The following CRACR2A variants were observed in gnomAD, a reference collection of about 807,000 sequenced individuals.
The protein encoded by CRACR2A is EF-hand calcium-binding domain-containing protein 4B.
Under a neutral mutation model 90.5 loss-of-function variants are expected in CRACR2A, and 79 were observed. The observed-to-expected ratio is 0.87, with a 90% confidence interval of 0.73 to 1.05. The LOEUF (loss-of-function observed/expected upper bound fraction) is 1.05. Among genes scored for constraint, CRACR2A ranks in the 50% least tolerant of loss-of-function variants. The pLI is 0.00. For synonymous variants in CRACR2A, 338 were observed against 356.7 expected (o/e 0.95, Z 0.59); for missense variants, 823 against 897.2 (o/e 0.92, Z 1.06).
chr12:3,664,292 T>C (rs1945089007), intron 7 of CRACR2A, among the ~76,000 whole-genome samples: 1 of 152,240 alleles, frequency 6.6e-6, no homozygotes, highest in Non-Finnish European at 1.5e-5. Flanking sequence ...GAGAGGGATA[T>C]ATATTCTATT....
chr12:3,632,722 A>G (rs570513513), intron 15 of CRACR2A, among the ~76,000 whole-genome samples: 2 of 152,240 alleles, frequency 1.3e-5, no homozygotes, highest in African/African-American at 2.4e-5. Flanking sequence ...TGTGCTGAAC[A>G]GTACCTGTCC....
chr12:3,679,236 A>C, intron 5 of CRACR2A, 138 bp from the exon 6 acceptor site: 23 of 829,060 alleles, frequency 2.8e-5, no homozygotes, highest in Non-Finnish European at 3.1e-5. Flanking sequence ...GCAAAGATCC[A>C]TGGACATGGG....
intron 10 of CRACR2A, among the ~76,000 whole-genome samples, chr12:3,651,556 GTTCT>G (rs1026371740): frequency 2.0e-5 from 3 of 152,166 alleles, no homozygotes; most frequent in Admixed American, 6.5e-5. Context: ...CTGCTTGATA[GTTCT>G]TTCTTTATCT....
At position 3,746,327 on chromosome 12, in the gene CRACR2A, G is replaced by A. The variant is rs1402011858; in HGVS notation, c.-387+6688C>T. ...GTGGGGCCCTCATGATGGGATTAGT[G>A]CCCATCATGAAGAGACACCAGAGAG... On this transcript the variant is annotated intron_variant, in intron 1 of 19. Transcript: ENST00000440314. This position sits in a 1 kb window ranked among gnomAD's most constrained non-coding sequence, Gnocchi z 4.4. Among the ~76,000 whole-genome samples the A allele has an allele frequency of 6.6e-6, 1 of 151,510 alleles. No homozygotes were observed.
At chr12:3,649,717 A>G (rs1244790482) in intron 10 of CRACR2A, among the ~76,000 whole-genome samples, 2 of 152,120 alleles carry the variant, frequency 1.3e-5, no homozygotes, top group Non-Finnish European at 2.9e-5. Flanking sequence ...GATACCCTCA[A>G]CACAGTGCCT....
At chr12:3,680,933 A>G (rs895657608) in intron 4 of CRACR2A, among the ~76,000 whole-genome samples, 5 of 138,910 alleles carry the variant, frequency 3.6e-5, no homozygotes, top group Non-Finnish European at 6.0e-5. Context: ...GTAGGGAGGC[A>G]GAGAGAGAGA....
chr12:3,679,344 G>A (rs897622795), intron 5 of CRACR2A, among the ~76,000 whole-genome samples: 2 of 152,148 alleles, frequency 1.3e-5, no homozygotes, highest in Non-Finnish European at 2.9e-5. Context: ...AGACGGATAC[G>A]GTGTCTCCTT....
Position 3,666,371 on chromosome 12 carries a change from G to GCGCGCGCA in CRACR2A, c.672-6725_672-6718dup, listed in dbSNP as rs753691768. 4.3e-3 allele frequency among the ~76,000 whole-genome samples: 658 copies of GCGCGCGCA among 151,932 alleles called. 7 individuals carry two copies. Among genetic ancestry groups the GCGCGCGCA allele is most frequent in the South Asian group, 0.021 (102 of 4,796 alleles). On this transcript the variant is annotated intron_variant, in intron 7 of 19. Transcript: ENST00000440314. Reference sequence around the variant, plus strand: ...TGTGTGTGTGCGTGCGTGTGCGCGTGCGCGCGCACGCGCGCACACGCTCAT... The same window carrying GCGCGCGCA: ...TGTGTGTGTGCGTGCGTGTGCGCGTGCGCGCGCACGCGCGCACGCGCGCACACGCTCAT...
chr12:3,748,402 C>T (rs1327905278), intron 1 of CRACR2A, among the ~76,000 whole-genome samples: 1 of 152,204 alleles, frequency 6.6e-6, no homozygotes, highest in Non-Finnish European at 1.5e-5. Flanking sequence ...CCAGCCCCAT[C>T]CAGGATGTGT....
At chr12:3,744,726 A>G (rs546946002) in intron 1 of CRACR2A, among the ~76,000 whole-genome samples, 1 of 152,162 alleles carries the variant, frequency 6.6e-6, no homozygotes, top group Admixed American at 6.5e-5. Flanking sequence ...GAGAAATGGC[A>G]GCAGAAAGAT....
chr12:3,746,534 T>C lies in CRACR2A; in HGVS notation c.-387+6481A>G, dbSNP rs1565511774. Among the ~76,000 whole-genome samples the C allele has an allele frequency of 1.3e-5, 2 of 152,178 alleles. No homozygotes were observed. The highest frequency in any genetic ancestry group is 2.9e-5 in the Non-Finnish European group (2 of 68,026). On this transcript the variant is annotated intron_variant, in intron 1 of 19. Coordinates refer to ENST00000440314, the MANE Select transcript of CRACR2A (RefSeq NM_001144958.2). The surrounding 1 kb of genome is among the most constrained non-coding windows in gnomAD (Gnocchi z 4.4). ...TTCACCCACCAAACTGGCACCATGA[T>C]GTTAGACTTCCAGCCTCCAGAACTG...
intron 19 of CRACR2A, 103 bp downstream of exon 19, chr12:3,616,851 G>A (rs945289608): frequency 2.3e-6 from 2 of 875,310 alleles, no homozygotes; most frequent in Admixed American, 2.1e-5. Flanking sequence ...GGGAGGAAGG[G>A]GGGTCAGAGG....
In CRACR2A at chr12:3,629,211, G is replaced by A. The variant is rs147449508; in HGVS notation, c.1736-1505C>T. ...AGAGATGAAGCAGGAGTCACGAGCC[G>A]TCGTGCCTTGCCCGAGCTGGTCGGA... On this transcript the variant is annotated intron_variant, in intron 15 of 19. Transcript: ENST00000440314. Among the ~76,000 whole-genome samples the A allele has an allele frequency of 4.9e-3, 746 of 151,954 alleles. 6 individuals are homozygous for A. Among genetic ancestry groups the A allele is most frequent in the African/African-American group, 0.016 (681 of 41,440 alleles).
intron 4 of CRACR2A, among the ~76,000 whole-genome samples, chr12:3,685,523 G>T (rs1309248677): frequency 6.6e-6 from 1 of 152,158 alleles, no homozygotes; most frequent in Non-Finnish European, 1.5e-5. Context: ...ACAAAATGTG[G>T]TATATACATA....
intron 2 of CRACR2A, among the ~76,000 whole-genome samples, chr12:3,716,063 T>C (rs2137788577): frequency 6.6e-6 from 1 of 152,210 alleles, no homozygotes. Flanking sequence ...CCCAGGCTTT[T>C]TTTTTTTTTC....
intron 2 of CRACR2A, chr12:3,731,251 T>C (rs59159383): frequency 0.083 from 12,599 of 152,248 alleles, 633 homozygotes; most frequent in Middle Eastern, 0.17. Flanking sequence ...AAACTCAACT[T>C]CCCGGGAAAC....
chr12:3,663,191 G>A (rs149845542), intron 7 of CRACR2A, among the ~76,000 whole-genome samples: 1 of 152,180 alleles, frequency 6.6e-6, no homozygotes, highest in Non-Finnish European at 1.5e-5. Context: ...CCAAAAACCT[G>A]TAAAAACTCA....
At chr12:3,701,938 T>C (rs573985190) in intron 3 of CRACR2A, among the ~76,000 whole-genome samples, 1 of 152,202 alleles carries the variant, frequency 6.6e-6, no homozygotes, top group South Asian at 2.1e-4. Flanking sequence ...ACAGATTGAG[T>C]TCAACACCAT....
intron 18 of CRACR2A, among the ~76,000 whole-genome samples, chr12:3,617,668 C>T (rs769118792): frequency 2.0e-5 from 3 of 152,226 alleles, no homozygotes; most frequent in East Asian, 1.9e-4. Context: ...CTGCATGGTG[C>T]GGGAGCCCTT....
Sources: allele counts gnomAD v4.1 joint callset (sites outside exome capture counted in the v4.1 genomes callset), GRCh38; gene constraint gnomAD v4.1.1; non-coding constraint Gnocchi (gnomAD v3.1); transcripts MANE v1.5; gene names NCBI Gene and HGNC (gene_info 2026-07-23, HGNC 2026-07-21).